ARB2A: variants seen among roughly 807,000 people sequenced by gnomAD.
ARB2A encodes ARB2 cotranscriptional regulator A, also known as cotranscriptional regulator ARB2A.
the ARB2A span, among the ~76,000 whole-genome samples, chr5:93,716,884 T>A: frequency 1.5e-4 from 23 of 152,026 alleles, no homozygotes; most frequent in African/African-American, 5.1e-4. Context: ...AAATTCAGAG[T>A]TGAAGTTCTG....
chr5:93,629,259 G>A, the ARB2A span, among the ~76,000 whole-genome samples: 1 of 152,132 alleles, frequency 6.6e-6, no homozygotes, highest in Non-Finnish European at 1.5e-5. Flanking sequence ...CTATGGGCAT[G>A]ATTCTTAGTG....
the ARB2A span, among the ~76,000 whole-genome samples, chr5:94,070,285 T>A: frequency 2.6e-5 from 4 of 152,018 alleles, no homozygotes; most frequent in Non-Finnish European, 5.9e-5. Flanking sequence ...AAAGTTGATC[T>A]CATGGAAGTA....
At chr5:94,111,249 C>T in the ARB2A span, among the ~76,000 whole-genome samples, 17 of 152,194 alleles carry the variant, frequency 1.1e-4, no homozygotes, top group Non-Finnish European at 2.9e-5. Context: ...CCCAGAATCC[C>T]GTACGCCCCG....
At chr5:93,904,302 T>C in the ARB2A span, among the ~76,000 whole-genome samples, 2 of 152,044 alleles carry the variant, frequency 1.3e-5, no homozygotes, top group Admixed American at 1.3e-4. Context: ...TGACTATACC[T>C]GATATCTTTT....
the ARB2A span, among the ~76,000 whole-genome samples, chr5:94,083,063 T>A: frequency 2.0e-5 from 3 of 152,196 alleles, no homozygotes; most frequent in Admixed American, 1.3e-4. Context: ...ACAAAATATT[T>A]TTTTCCCACA....
chr5:94,040,704 C>A, the ARB2A span, among the ~76,000 whole-genome samples: 1 of 152,160 alleles, frequency 6.6e-6, no homozygotes, highest in Non-Finnish European at 1.5e-5. Context: ...CAGCATGCCA[C>A]AGGCAATGCT....
chr5:94,047,971 C>A, the ARB2A span, among the ~76,000 whole-genome samples: 1 of 150,418 alleles, frequency 6.6e-6, no homozygotes, highest in Non-Finnish European at 1.5e-5. Context: ...AAGCTCTTTT[C>A]TAAGGCCATT....
the ARB2A span, among the ~76,000 whole-genome samples, chr5:93,802,565 T>G: frequency 3.3e-5 from 5 of 152,244 alleles, no homozygotes; most frequent in Admixed American, 1.3e-4. Context: ...GAATTACTTT[T>G]TCACATAAAC....
the ARB2A span, among the ~76,000 whole-genome samples, chr5:93,631,269 C>A: frequency 1.3e-5 from 2 of 152,154 alleles, no homozygotes; most frequent in African/African-American, 4.8e-5. Flanking sequence ...TCTAATCAAC[C>A]TTCTCCTAGA....
the ARB2A span, among the ~76,000 whole-genome samples, chr5:94,053,595 G>A: frequency 6.6e-6 from 1 of 151,842 alleles, no homozygotes; most frequent in East Asian, 1.9e-4. Context: ...AAACATTTAC[G>A]AATAAAGAAA....
the ARB2A span, among the ~76,000 whole-genome samples, chr5:93,821,406 T>C: frequency 6.6e-6 from 1 of 152,160 alleles, no homozygotes; most frequent in Non-Finnish European, 1.5e-5. Flanking sequence ...CTGTCTGACA[T>C]GTGTAATGCA....
chr5:93,913,625 TC>T, the ARB2A span, among the ~76,000 whole-genome samples: 1 of 152,026 alleles, frequency 6.6e-6, no homozygotes, highest in East Asian at 1.9e-4. Context: ...ACTAACCATA[TC>T]CTAAGTTCAG....
At chr5:94,109,155 T>C in the ARB2A span, among the ~76,000 whole-genome samples, 1 of 152,218 alleles carries the variant, frequency 6.6e-6, no homozygotes, top group African/African-American at 2.4e-5. Context: ...GGAGACATTA[T>C]ACTAAGTGAA....
At chr5:93,768,269 T>C in the ARB2A span, among the ~76,000 whole-genome samples, 5 of 150,966 alleles carry the variant, frequency 3.3e-5, no homozygotes, top group Non-Finnish European at 7.4e-5. Context: ...AGGTGATGGG[T>C]GCACCAAAAC....
the ARB2A span, among the ~76,000 whole-genome samples, chr5:93,830,333 A>G: frequency 3.5e-3 from 483 of 139,454 alleles, 13 homozygotes; most frequent in African/African-American, 9.0e-3. Context: ...ATATATATAT[A>G]TATATATATA....
the ARB2A span, among the ~76,000 whole-genome samples, chr5:94,033,090 A>G: frequency 6.6e-6 from 1 of 151,994 alleles, no homozygotes; most frequent in African/African-American, 2.4e-5. Flanking sequence ...ACCATGTAAG[A>G]CATGCCTGCT....
the ARB2A span, among the ~76,000 whole-genome samples, chr5:93,690,379 C>T: frequency 3.8e-4 from 58 of 152,168 alleles, no homozygotes; most frequent in South Asian, 1.7e-3. Flanking sequence ...GAAGGGTGTC[C>T]GCCATTACTG....
At chr5:93,744,954 T>C in the ARB2A span, among the ~76,000 whole-genome samples, 1 of 152,224 alleles carries the variant, frequency 6.6e-6, no homozygotes, top group Non-Finnish European at 1.5e-5. Context: ...AAACTGTCAG[T>C]AGAGCAGGAC....
the ARB2A span, among the ~76,000 whole-genome samples, chr5:93,964,748 T>C: frequency 2.6e-5 from 4 of 152,036 alleles, no homozygotes; most frequent in African/African-American, 9.7e-5. Flanking sequence ...ACAATTAATA[T>C]ACATTAACAA....
Sources: gnomAD v4.1 joint callset for allele counts (sites outside exome capture counted in the v4.1 genomes callset) on GRCh38, gnomAD v4.1.1 for gene constraint, MANE v1.5 for transcripts, NCBI Gene and HGNC (gene_info 2026-07-23, HGNC 2026-07-21) for gene names.